Variants in INTS1 observed in about 807,000 individuals in gnomAD.
INTS1 encodes integrator complex subunit 1.
In INTS1, 137 loss-of-function variants were observed where a neutral mutation model predicts 241.6. That is an observed-to-expected ratio of 0.57 (90% CI 0.49 to 0.65). INTS1 has a LOEUF of 0.65. Among genes scored for constraint, INTS1 ranks in the 30% least tolerant of loss-of-function variants. INTS1 has a pLI of 0.00. For synonymous variants in INTS1, 1,692 were observed against 1,337.8 expected (o/e 1.26, Z -5.78); for missense variants, 3,073 against 3,032.2 (o/e 1.01, Z -0.32).
At chr7:1,482,827 G>A in intron 26 of INTS1, 120 bp from the exon 27 acceptor site, 4 of 1,223,164 alleles carry the variant, frequency 3.3e-6, no homozygotes, top group Non-Finnish European at 1.1e-6. Context: ...CTTGGGAGGA[G>A]CACGGGGCTC....
chr7:1,477,481 C>A, intron 35 of INTS1, 69 bp downstream of exon 35: 1 of 1,444,356 alleles, frequency 6.9e-7, no homozygotes. Context: ...GCCAAGGCTG[C>A]TGCACTTCAG....
chr7:1,484,801 G>A (rs1337089004), intron 24 of INTS1, among the ~76,000 whole-genome samples: 3 of 152,172 alleles, frequency 2.0e-5, no homozygotes, highest in African/African-American at 7.2e-5. Context: ...GGACACAGGT[G>A]GCCACGGGGT....
intron 18 of INTS1, among the ~76,000 whole-genome samples, chr7:1,489,032 C>T (rs1169887817): frequency 1.3e-5 from 2 of 152,138 alleles, no homozygotes; most frequent in African/African-American, 4.8e-5. Flanking sequence ...AGCATCGCAC[C>T]ACCCCCAGCC....
At position 1,496,251 on chromosome 7, in the gene INTS1, A is replaced by C. The variant is rs1458882654; in HGVS notation, c.1616T>G (p.Val539Gly). 1 of 1,613,494 alleles carries C rather than the reference A, an allele frequency of 6.2e-7. No individual in the cohort carries two copies. The highest frequency in any genetic ancestry group is 8.5e-7 in the Non-Finnish European group (1 of 1,179,758). ...LEMEFKERFV[V>G]HITDVLAVSM... is the part of the protein sequence containing the mutation. ...CACGGCCAGGACGTCGGTGATGTGCACCACGAAGCGCTCCTGCAGGTGCAG... is the reference window on the plus strand; with the variant it reads ...CACGGCCAGGACGTCGGTGATGTGCCCCACGAAGCGCTCCTGCAGGTGCAG... Residue 539 changes from valine to glycine, a missense_variant, in exon 12 of 48, where the codon GTG (valine) becomes GGG (glycine). Physicochemically the swap from Val to Gly is moderately radical, Grantham distance 109. Coordinates refer to ENST00000404767, the MANE Select transcript of INTS1 (RefSeq NM_001080453.3).
chr7:1,479,310 C>G, intron 31 of INTS1, 120 bp downstream of exon 31: 1 of 1,215,654 alleles, frequency 8.2e-7, no homozygotes, highest in Non-Finnish European at 1.1e-6. Flanking sequence ...ACTGTCCTTT[C>G]TCACTTGGAA....
chr7:1,472,645 CCCCTTGGGA>C (rs1781524673), intron 43 of INTS1, among the ~76,000 whole-genome samples: 1 of 152,186 alleles, frequency 6.6e-6, no homozygotes, highest in South Asian at 2.1e-4. Flanking sequence ...GACGGGATGG[CCCCTTGGGA>C]CCCGGGCCTG....
intron 31 of INTS1, 78 bp from the exon 32 acceptor site, chr7:1,478,963 C>A: frequency 2.0e-6 from 3 of 1,475,420 alleles, no homozygotes; most frequent in South Asian, 2.6e-5. Flanking sequence ...AGAGCAGGGC[C>A]CGTGAGGCTG....
chr7:1,471,771 A>G, intron 44 of INTS1, 130 bp from the exon 45 acceptor site: 2 of 821,680 alleles, frequency 2.4e-6, no homozygotes, highest in Non-Finnish European at 2.0e-6. Flanking sequence ...GCATGAGCCC[A>G]GTGACGCCCC....
rs775924154 is a variant in INTS1 at position 1,489,420 on chromosome 7, G to A, written c.2258-16C>T. On this transcript the variant is annotated splice_polypyrimidine_tract_variant and intron_variant, in intron 17 of 47. Transcript: ENST00000404767. ...GCAGCCAGGCCTAGGGAACCGGAGG[G>A]TGTGGGGCTGGCCAGGCTCCCCTGG... 9 of 1,029,972 alleles carry A rather than the reference G, an allele frequency of 8.7e-6. No individual in the cohort carries two copies. The highest frequency in any genetic ancestry group is 1.0e-5 in the Non-Finnish European group (9 of 857,730). 63.8% of individuals were successfully genotyped at this position (1,029,972 alleles called of 1,614,324 possible). A position where few individuals can be genotyped will look rare whatever the true frequency, so the allele number is the denominator to read the frequency against.
At chr7:1,485,804 T>C (rs1782234336) in intron 22 of INTS1, among the ~76,000 whole-genome samples, 1 of 152,118 alleles carries the variant, frequency 6.6e-6, no homozygotes, top group Non-Finnish European at 1.5e-5. Flanking sequence ...GAACACTCAT[T>C]TGATTTTTAC....
Position 1,499,604 on chromosome 7 carries a change from C to G in INTS1, c.713G>C (p.Arg238Pro). ...KVYIEDSLGERIWVDSPHCKT... is the reference protein window; with the variant it reads ...KVYIEDSLGEPIWVDSPHCKT... The stretch of plus-strand genomic sequence containing the variant: ...ACAGTGAGGGCTGTCCACCCAGATC[C>G]GCTCCCCCAGGGAGTCCTCGATGTA... The change falls in exon 6 of 48, where the codon CGG becomes CCG. Residue 238 changes from arginine to proline, a missense_variant. Coordinates refer to ENST00000404767, the MANE Select transcript of INTS1 (RefSeq NM_001080453.3). 6.2e-7 allele frequency: 1 copy of G among 1,612,988 alleles called. No homozygotes were observed.
In INTS1 at chr7:1,501,933, T is replaced by G. The variant is rs149879680; in HGVS notation, c.349+968A>C. ...CTGCTTGGCATCTCCCTTTCCTGCC[T>G]GCCCCGGTTTCATCGCCTGTGCTTC... is the stretch of plus-strand genomic sequence containing the variant. On this transcript the variant is annotated intron_variant, in intron 3 of 47. Transcript: ENST00000404767. 1.7e-4 allele frequency among the ~76,000 whole-genome samples: 26 copies of G among 152,236 alleles called. No homozygotes were observed. In the East Asian group the frequency reaches 5.0e-3, roughly 30 times the overall value.
Position 1,481,075 on chromosome 7 carries a change from C to T in INTS1, c.3851-142G>A. The T allele has an allele frequency of 2.8e-6, 2 of 710,068 alleles. No individual in the cohort carries two copies. The highest frequency in any genetic ancestry group is 5.4e-5 in the East Asian group (2 of 36,924). The allele number at this position is 710,068 out of a possible 1,614,324, so 44.0% of individuals were successfully genotyped here. On this transcript the variant is annotated intron_variant, in intron 28 of 47. Transcript: ENST00000404767. This position sits in a 1 kb window ranked among gnomAD's most constrained non-coding sequence, Gnocchi z 6.8. Reference sequence around the variant, plus strand: ...ACTTCAGAAGCTGGGTGAGCTCAGTCAGCACTGAGGCCCCAACAGCTCCCT... The same window carrying T: ...ACTTCAGAAGCTGGGTGAGCTCAGTTAGCACTGAGGCCCCAACAGCTCCCT...
Position 1,473,627 on chromosome 7 carries a change from A to T in INTS1, c.5896T>A (p.Tyr1966Asn). 3 of 1,613,204 alleles carry T rather than the reference A, an allele frequency of 1.9e-6. No individual in the cohort carries two copies. The highest frequency in any genetic ancestry group is 2.5e-6 in the Non-Finnish European group (3 of 1,179,722). The change falls in exon 42 of 48, where the codon TAC becomes AAC. Residue 1966 changes from tyrosine to asparagine, a missense_variant. By Grantham distance (143) the Tyr-to-Asn change is moderately radical (BLOSUM62 -2). Transcript: ENST00000404767. Reference sequence around the variant, plus strand: ...GCTGCTGGGGCATTGTAGGTAATGTACTTATGGATGAACTGCACAAACTTG... The same window carrying T: ...GCTGCTGGGGCATTGTAGGTAATGTTCTTATGGATGAACTGCACAAACTTG... ...INKFVQFIHK[Y>N]ITYNAPAAIS...
Position 1,493,641 on chromosome 7 carries a change from C to T in INTS1, c.2068+113G>A, listed in dbSNP as rs1478790181. The T allele has an allele frequency of 1.3e-5, 18 of 1,383,228 alleles. No homozygotes were observed. The highest frequency in any genetic ancestry group is 1.5e-5 in the South Asian group (1 of 65,710). 85.7% of individuals were successfully genotyped at this position (1,383,228 alleles called of 1,614,324 possible). On this transcript the variant is annotated intron_variant, in intron 15 of 47. Transcript: ENST00000404767. The surrounding 1 kb of genome is among the most constrained non-coding windows in gnomAD (Gnocchi z 5.3). ...CCGAGCCTCCCGGGGACCCAGGACCCAGCTGAAGCGCAGCTTTGTGGAGCG... is the reference window on the plus strand; with the variant it reads ...CCGAGCCTCCCGGGGACCCAGGACCTAGCTGAAGCGCAGCTTTGTGGAGCG...
In INTS1 at chr7:1,479,696, A is replaced by G; in HGVS notation, c.4075-12T>C. The G allele has an allele frequency of 6.9e-7, 1 of 1,458,796 alleles. No homozygotes were observed. The highest frequency in any genetic ancestry group is 1.9e-4 in the Middle Eastern group (1 of 5,160). The allele number at this position is 1,458,796 out of a possible 1,614,324, so 90.4% of individuals were successfully genotyped here. Reference sequence around the variant, plus strand: ...CTGAGCGGGAAAATCTGGAACGGGGAAGGCCAGTGTCAGGAGGAAGCGGAG... The same window carrying G: ...CTGAGCGGGAAAATCTGGAACGGGGGAGGCCAGTGTCAGGAGGAAGCGGAG... On this transcript the variant is annotated splice_polypyrimidine_tract_variant and intron_variant, in intron 30 of 47. Transcript: ENST00000404767.
At chr7:1,471,665 C>A (rs765865480) in intron 44 of INTS1, 24 bp from the exon 45 acceptor site, 10 of 1,610,310 alleles carry the variant, frequency 6.2e-6, no homozygotes, top group Non-Finnish European at 8.5e-6. Context: ...AGGGCCAGAC[C>A]AGAACTGAAG....
At chr7:1,503,784 A>T in intron 2 of INTS1, 119 bp downstream of exon 2, 1 of 729,118 alleles carries the variant, frequency 1.4e-6, no homozygotes, top group South Asian at 1.8e-5. Context: ...GAATTCCTGG[A>T]AACAGCCGCG....
chr7:1,473,401 G>C (rs553784491), intron 42 of INTS1, among the ~76,000 whole-genome samples, 165 bp downstream of exon 42: 1 of 152,188 alleles, frequency 6.6e-6, no homozygotes, highest in Non-Finnish European at 1.5e-5. Context: ...TTCGGCACAG[G>C]GTGGGGCGGC....
Sources: gnomAD v4.1 joint callset for allele counts (sites outside exome capture counted in the v4.1 genomes callset) on GRCh38, gnomAD v4.1.1 for gene constraint, Gnocchi (gnomAD v3.1) non-coding constraint, MANE v1.5 for transcripts, NCBI Gene and HGNC (gene_info 2026-07-23, HGNC 2026-07-21) for gene names.